EPHA3: variants seen among roughly 807,000 people sequenced by gnomAD.
The protein encoded by EPHA3 is ephrin type-A receptor 3.
A neutral mutation model predicts 107.1 loss-of-function variants in EPHA3; 42 were observed. That is an observed-to-expected ratio of 0.39 (90% CI 0.31 to 0.51). EPHA3 has a LOEUF of 0.51. EPHA3 is among the 20% of genes least tolerant of loss of function. The probability of loss-of-function intolerance (pLI) is 0.78; values close to 1 mark genes in which losing one functional copy is unlikely to be tolerated. For synonymous variants in EPHA3, 461 were observed against 424.8 expected (o/e 1.09, Z -1.05); for missense variants, 1,183 against 1,211.2 (o/e 0.98, Z 0.35).
At chr3:89,203,609 T>TAA (rs1020829091) in intron 2 of EPHA3, among the ~76,000 whole-genome samples, 1 of 149,248 alleles carries the variant, frequency 6.7e-6, no homozygotes, top group East Asian at 2.0e-4. Flanking sequence ...CCGTCTCTAC[T>TAA]AAAAAAAAAT....
intron 3 of EPHA3, among the ~76,000 whole-genome samples, chr3:89,249,981 C>T (rs1228628667): frequency 2.6e-5 from 4 of 152,136 alleles, no homozygotes; most frequent in Non-Finnish European, 5.9e-5. Flanking sequence ...GAGCCGAATG[C>T]TTGTAAAAAA....
chr3:89,349,924 T>A (rs1345763427), intron 5 of EPHA3, among the ~76,000 whole-genome samples: 1 of 147,990 alleles, frequency 6.8e-6, no homozygotes, highest in Non-Finnish European at 1.5e-5. Context: ...TTCTTTTCTT[T>A]GAGAATGTTG....
At chr3:89,226,256 CAA>C (rs957382728) in intron 3 of EPHA3, among the ~76,000 whole-genome samples, 5 of 152,020 alleles carry the variant, frequency 3.3e-5, no homozygotes, top group African/African-American at 4.8e-5. Context: ...TTGGAGCTAA[CAA>C]GAGATAACAA....
intron 2 of EPHA3, among the ~76,000 whole-genome samples, chr3:89,161,083 C>G (rs1704928059): frequency 6.6e-6 from 1 of 152,098 alleles, no homozygotes; most frequent in African/African-American, 2.4e-5. Context: ...CACGCAGCTT[C>G]TAAAAATCTC....
rs192463302 is a variant in EPHA3 at position 89,242,878 on chromosome 3, A to T, written c.814+32358A>T. On this transcript the variant is annotated intron_variant, in intron 3 of 16. Coordinates refer to ENST00000336596, the MANE Select transcript of EPHA3 (RefSeq NM_005233.6). The stretch of plus-strand genomic sequence containing the variant: ...ATTAACTCGTCATTTAACGTTTGGT[A>T]TATCTCCTATTGCTATCCCTCCCCC... Among the ~76,000 whole-genome samples, 519 of 150,064 alleles carry T rather than the reference A, an allele frequency of 3.5e-3. 2 individuals are homozygous for T. The highest frequency in any genetic ancestry group is 0.02 in the Middle Eastern group (6 of 294).
intron 3 of EPHA3, among the ~76,000 whole-genome samples, chr3:89,263,265 C>G (rs1206705894): frequency 2.0e-5 from 3 of 152,010 alleles, no homozygotes; most frequent in African/African-American, 7.2e-5. Flanking sequence ...TCATCCATGT[C>G]CCTACATTGC....
intron 3 of EPHA3, among the ~76,000 whole-genome samples, chr3:89,219,688 G>GTGTTTTTTTTTGTTTTTTTGTTTT: frequency 2.9e-5 from 1 of 34,442 alleles, no homozygotes; most frequent in African/African-American, 1.2e-4. Context: ...ATTTGGCAAT[G>GTGTTTTTTTTTGTTTTTTTGTTTT]TTTTTTTTTT....
At chr3:89,304,956 A>C (rs1167305919) in intron 3 of EPHA3, among the ~76,000 whole-genome samples, 1 of 152,192 alleles carries the variant, frequency 6.6e-6, no homozygotes, top group Non-Finnish European at 1.5e-5. Context: ...TAGGTTAATA[A>C]GCATTTTATT....
At chr3:89,398,506 GCA>G (rs1199744332) in intron 6 of EPHA3, among the ~76,000 whole-genome samples, 3 of 152,030 alleles carry the variant, frequency 2.0e-5, no homozygotes, top group African/African-American at 7.3e-5. Context: ...ATTAAATACA[GCA>G]CAAATACAGT....
In EPHA3 at chr3:89,111,868, A is replaced by C. The variant is rs570966011; in HGVS notation, c.88+4032A>C. ...TAATCATACTATTCCAGTCCTTGTC[A>C]TAAATGAGCAATTATAAACTCTTTT... On this transcript the variant is annotated intron_variant, in intron 1 of 16. Transcript: ENST00000336596. 2.0e-4 allele frequency among the ~76,000 whole-genome samples: 31 copies of C among 152,258 alleles called. No homozygotes were observed. The East Asian group carries it at 2.9e-3, about 14-fold the overall frequency.
intron 11 of EPHA3, among the ~76,000 whole-genome samples, chr3:89,420,309 A>G (rs1709330551): frequency 6.6e-6 from 1 of 151,482 alleles, no homozygotes. Flanking sequence ...CATTTTATAG[A>G]GCATTTTCCA....
intron 3 of EPHA3, among the ~76,000 whole-genome samples, chr3:89,226,387 A>T (rs1244194982): frequency 6.6e-6 from 1 of 152,142 alleles, no homozygotes; most frequent in East Asian, 1.9e-4. Flanking sequence ...CATAAGAGGG[A>T]TAAATCCTTA....
intron 5 of EPHA3, among the ~76,000 whole-genome samples, chr3:89,365,221 C>A (rs1708164913): frequency 6.6e-6 from 1 of 150,596 alleles, no homozygotes; most frequent in South Asian, 2.1e-4. Flanking sequence ...CAGGAGCCAG[C>A]ATGTTGAAGA....
intron 6 of EPHA3, among the ~76,000 whole-genome samples, chr3:89,397,192 A>G (rs1216696482): frequency 3.3e-5 from 5 of 152,194 alleles, no homozygotes; most frequent in Non-Finnish European, 7.4e-5. Flanking sequence ...CAGAAAGCCT[A>G]GAGTATATCT....
rs566480002 is a variant in EPHA3, at chr3:89,480,619, T to TAAA, written c.*1126_*1128dup. The TAAA allele has an allele frequency of 1.4e-5, 3 of 212,102 alleles. No individual in the cohort carries two copies. Among genetic ancestry groups the TAAA allele is most frequent in the African/African-American group, 2.3e-5 (1 of 42,940 alleles). The allele number at this position is 212,102 out of a possible 1,614,324, so 13.1% of individuals were successfully genotyped here. On this transcript the variant is annotated 3_prime_UTR_variant, in exon 17 of 17. Transcript: ENST00000336596. ...CACAGCCTATAGGCCAATGCATGAG[T>TAAA]AAAAAAAAAAACAATTACTGGCTCA...
At chr3:89,344,904 T>C (rs1559655563) in intron 5 of EPHA3, among the ~76,000 whole-genome samples, 1 of 141,856 alleles carries the variant, frequency 7.0e-6, no homozygotes, top group Non-Finnish European at 1.6e-5. Context: ...TTTCACAAAG[T>C]ATGTCAGTGA....
chr3:89,247,785 G>C (rs1169688832), intron 3 of EPHA3, among the ~76,000 whole-genome samples: 2 of 151,958 alleles, frequency 1.3e-5, no homozygotes, highest in African/African-American at 4.8e-5. Flanking sequence ...TATTGTAAAA[G>C]ATATGATTGA....
At chr3:89,240,137 G>T (rs938710768) in intron 3 of EPHA3, among the ~76,000 whole-genome samples, 2 of 152,146 alleles carry the variant, frequency 1.3e-5, no homozygotes, top group Non-Finnish European at 2.9e-5. Flanking sequence ...AAAGCAGGTC[G>T]CATGGTTGAA....
chr3:89,439,413 A>G (rs1709738325), intron 13 of EPHA3, among the ~76,000 whole-genome samples: 1 of 152,120 alleles, frequency 6.6e-6, no homozygotes, highest in South Asian at 2.1e-4. Flanking sequence ...AGCCTTGATT[A>G]TGCCATTGCA....
Sources: allele counts gnomAD v4.1 joint callset (sites outside exome capture counted in the v4.1 genomes callset), GRCh38; gene constraint gnomAD v4.1.1; transcripts MANE v1.5; gene names NCBI Gene and HGNC (gene_info 2026-07-23, HGNC 2026-07-21).